The following YIPF2 variants were observed in gnomAD, a reference collection of about 807,000 sequenced individuals.
The protein encoded by YIPF2 is Yip1 domain family member 2.
In YIPF2, 30 loss-of-function variants were observed where a neutral mutation model predicts 38.8. The ratio of observed to expected loss-of-function variants is 0.77; its 90% CI spans 0.58 to 1.05. The LOEUF (loss-of-function observed/expected upper bound fraction) is 1.05. Ranked by LOEUF, YIPF2 falls within the 50% of genes least tolerant of loss-of-function variation. The probability of loss-of-function intolerance (pLI) is 0.00; values close to 1 mark genes in which losing one functional copy is unlikely to be tolerated. For synonymous variants in YIPF2, 194 were observed against 183.8 expected (o/e 1.06, Z -0.45); for missense variants, 401 against 409.7 (o/e 0.98, Z 0.18).
At chr19:10,925,871 A>T in intron 4 of YIPF2, 98 bp from the exon 5 acceptor site, 2 of 995,388 alleles carry the variant, frequency 2.0e-6, no homozygotes, top group Non-Finnish European at 2.9e-6. Context: ...TTCTCTTTCC[A>T]TGCCCCACCT....
At chr19:10,924,570 A>G (rs79316706) in intron 5 of YIPF2, among the ~76,000 whole-genome samples, 3,330 of 152,178 alleles carry the variant, frequency 0.022, 135 homozygotes, top group African/African-American at 0.077. Flanking sequence ...TGCCTCCTCT[A>G]GAGCCCAGGG....
At position 10,927,635 on chromosome 19, in the gene YIPF2, A is replaced by T. The variant is rs1211520881; in HGVS notation, c.274T>A (p.Ser92Thr). 2.5e-6 allele frequency: 4 copies of T among 1,613,770 alleles called. No homozygotes were observed. In the South Asian group the frequency reaches 4.4e-5, roughly 18 times the overall value. The change falls in exon 4 of 10, where the codon TCA becomes ACA. Residue 92 changes from serine to threonine, a missense_variant. Ser to Thr is a moderately conservative substitution (Grantham distance 58, BLOSUM62 1). Transcript: ENST00000586748. ...ACCTGCCTCCCCAGCCTGACCTGTG[A>T]GGTGTCCACGTCAAAGAAGCTCTGA... ...YYQSFFDVDT[S>T]QVLDRIKGSL...
At chr19:10,926,099 C>A (rs1391207611) in intron 4 of YIPF2, among the ~76,000 whole-genome samples, 1 of 151,446 alleles carries the variant, frequency 6.6e-6, no homozygotes, top group Non-Finnish European at 1.5e-5. Flanking sequence ...TTAATAGAGA[C>A]GGGATTTCAC....
Position 10,925,780 on chromosome 19 carries a change from G to T in YIPF2, c.280-7C>A. On this transcript the variant is annotated splice_polypyrimidine_tract_variant and splice_region_variant and intron_variant, in intron 4 of 9. Transcript: ENST00000586748. Reference sequence around the variant, plus strand: ...CTTTGATCCGGTCCAGGACCTGGGGGCAAGGCCAAGGTCAAGGATGGAAGT... The same window carrying T: ...CTTTGATCCGGTCCAGGACCTGGGGTCAAGGCCAAGGTCAAGGATGGAAGT... 6.2e-7 allele frequency: 1 copy of T among 1,613,230 alleles called. No individual in the cohort carries two copies. Among genetic ancestry groups the T allele is most frequent in the Non-Finnish European group, 8.5e-7 (1 of 1,179,874 alleles).
Position 10,925,705 on chromosome 19 carries a change from C to T in YIPF2, c.348G>A (p.Arg116=). 2 of 1,614,044 alleles carry T rather than the reference C, an allele frequency of 1.2e-6. No homozygotes were observed. The highest frequency in any genetic ancestry group is 1.7e-6 in the Non-Finnish European group (2 of 1,179,986). Residue 116 remains arginine, a synonymous_variant, in exon 5 of 10, where the codon CGG becomes CGA. Transcript: ENST00000586748. ...ACTCACCATACAGATCCGGCCGATT[C>T]CGCAGATGGTGCCGCACAAAGTTGT... The part of the protein sequence containing the change: ...PGHNFVRHHL[R]NRPDLYGPFW...
intron 4 of YIPF2, 130 bp from the exon 5 acceptor site, chr19:10,925,903 C>CACT: frequency 3.1e-6 from 2 of 635,754 alleles, no homozygotes; most frequent in Non-Finnish European, 5.1e-6. Flanking sequence ...GCCTTTCCCT[C>CACT]TCTTTTTTTT....
chr19:10,928,528 C>T lies in YIPF2; in HGVS notation c.-48G>A, dbSNP rs1015644530. 210 of 1,276,750 alleles carry T rather than the reference C, an allele frequency of 1.6e-4. No homozygotes were observed. The highest frequency in any genetic ancestry group is 2.0e-4 in the Non-Finnish European group (198 of 984,220). 79.1% of individuals were successfully genotyped at this position (1,276,750 alleles called of 1,614,324 possible). ...AGCCCTACCTGGCGACCAACTGCAC[C>T]CACGGAGGCTTGAACTCGTCGTCCC... On this transcript the variant is annotated 5_prime_UTR_variant, in exon 1 of 10. Coordinates refer to ENST00000586748, the MANE Select transcript of YIPF2 (RefSeq NM_001321439.2).
Position 10,928,580 on chromosome 19 carries a change from C to G in YIPF2, c.-100G>C, listed in dbSNP as rs1568366677. The G allele has an allele frequency of 4.8e-6, 5 of 1,043,410 alleles. No individual in the cohort carries two copies. The highest frequency in any genetic ancestry group is 3.4e-5 in the African/African-American group (2 of 58,534). The allele number at this position is 1,043,410 out of a possible 1,614,324, so 64.6% of individuals were successfully genotyped here. ...TCCCCACAGGTGCGCTCCGCCCCCC[C>G]TCACCTGAGGCCACCTGGGCCGGCG... On this transcript the variant is annotated 5_prime_UTR_variant, in exon 1 of 10. Coordinates refer to ENST00000586748, the MANE Select transcript of YIPF2 (RefSeq NM_001321439.2).
chr19:10,924,325 G>A (rs1457087826), intron 5 of YIPF2, 133 bp from the exon 6 acceptor site: 6 of 755,472 alleles, frequency 7.9e-6, no homozygotes, highest in Non-Finnish European at 1.3e-5. Context: ...GACACCGGGG[G>A]CCTCCTGGTG....
rs147993489 is a variant in YIPF2, at chr19:10,923,866, G to A, written c.618C>T (p.Tyr206=). 45 of 1,613,252 alleles carry A rather than the reference G, an allele frequency of 2.8e-5. No individual in the cohort carries two copies. The highest frequency in any genetic ancestry group is 6.7e-5 in the Admixed American group (4 of 59,906). ...PYTFLETVCI[Y]GYSLFVFIPM... ...GGATGAAGACAAAGAGGGAGTAGCCGTAGATGCACACAGTCTCCAGGAAGG... is the reference window on the plus strand; with the variant it reads ...GGATGAAGACAAAGAGGGAGTAGCCATAGATGCACACAGTCTCCAGGAAGG... The change falls in exon 7 of 10, where the codon TAC becomes TAT. Residue 206 remains tyrosine, a synonymous_variant. Transcript: ENST00000586748.
chr19:10,927,885 G>C lies in YIPF2; in HGVS notation c.106C>G (p.Pro36Ala). 1 of 1,612,764 alleles carries C rather than the reference G, an allele frequency of 6.2e-7. No homozygotes were observed. The highest frequency in any genetic ancestry group is 8.5e-7 in the Non-Finnish European group (1 of 1,179,076). The change falls in exon 3 of 10, where the codon CCA (proline) becomes GCA (alanine). Residue 36 changes from proline (P) to alanine (A), a missense_variant. Coordinates refer to ENST00000586748, the MANE Select transcript of YIPF2 (RefSeq NM_001321439.2). ...ACGGCCACAGCCACGTGCCCTTGTG[G>C]GGTCAGCTGATCGCTTCTGCTGGTG... The part of the protein sequence containing the change: ...ATTSRSDQLT[P>A]QGHVAVAVGS...
In YIPF2 at chr19:10,923,838, T is replaced by C. The variant is rs144437697; in HGVS notation, c.646A>G (p.Met216Val). 1.7e-5 allele frequency: 27 copies of C among 1,612,336 alleles called. No homozygotes were observed. Among genetic ancestry groups the C allele is most frequent in the Non-Finnish European group, 2.1e-5 (25 of 1,179,274 alleles). The change falls in exon 7 of 10, where the codon ATG (methionine) becomes GTG (valine). Residue 216 changes from methionine to valine, a missense_variant. By Grantham distance (21) the Met-to-Val change is conservative (BLOSUM62 1). Coordinates refer to ENST00000586748, the MANE Select transcript of YIPF2 (RefSeq NM_001321439.2). The part of the protein sequence containing the change: ...YGYSLFVFIP[M>V]VVLWLIPVPW... ...CCGCGCCAGGCCACACTCACCACCA[T>C]GGGGATGAAGACAAAGAGGGAGTAG...
At position 10,928,158 on chromosome 19, in the gene YIPF2, A is replaced by G. The variant is rs188601755; in HGVS notation, c.32-199T>C. On this transcript the variant is annotated intron_variant, in intron 2 of 9. Coordinates refer to ENST00000586748, the MANE Select transcript of YIPF2 (RefSeq NM_001321439.2). ...TCCTCCTAAAGTGGAACTGCAACTT[A>G]GGGTTGACGCTGGGATGGGGTCAGG... is the stretch of plus-strand genomic sequence containing the variant. Among the ~76,000 whole-genome samples, 4 of 126,446 alleles carry G rather than the reference A, an allele frequency of 3.2e-5. No individual in the cohort carries two copies. The East Asian group carries it at 1.0e-3, about 32-fold the overall frequency. 83.0% of individuals were successfully genotyped at this position (126,446 alleles called of 152,430 possible).
intron 4 of YIPF2, 147 bp downstream of exon 4, chr19:10,927,483 G>C (rs1599727797): frequency 1.9e-6 from 2 of 1,051,740 alleles, no homozygotes; most frequent in African/African-American, 3.2e-5. Context: ...CCATAGTCCC[G>C]ATCCATAACC....
At chr19:10,925,142 G>T (rs1454291240) in intron 5 of YIPF2, among the ~76,000 whole-genome samples, 1 of 151,466 alleles carries the variant, frequency 6.6e-6, no homozygotes, top group Non-Finnish European at 1.5e-5. Context: ...TGAAGCAGGA[G>T]AATCGCTTGA....
Position 10,924,144 on chromosome 19 carries a change from C to T in YIPF2, c.416G>A (p.Gly139Asp). Reference sequence around the variant, plus strand: ...CTGGGCCAGCACCAGCGTCAGGTTGCCAGTGACGGCCAGGACAAAGGCCAA... The same window carrying T: ...CTGGGCCAGCACCAGCGTCAGGTTGTCAGTGACGGCCAGGACAAAGGCCAA... Reference protein sequence around the residue: ...ATLAFVLAVTGNLTLVLAQRR... With the variant: ...ATLAFVLAVTDNLTLVLAQRR... The change falls in exon 6 of 10, where the codon GGC (glycine) becomes GAC (aspartate). Residue 139 changes from glycine (G) to aspartate (D), a missense_variant. Transcript: ENST00000586748. 1 of 1,613,494 alleles carries T rather than the reference C, an allele frequency of 6.2e-7. No homozygotes were observed. The highest frequency in any genetic ancestry group is 1.1e-5 in the South Asian group (1 of 91,074).
intron 4 of YIPF2, among the ~76,000 whole-genome samples, chr19:10,927,121 C>G (rs2083437612): frequency 6.6e-6 from 1 of 152,194 alleles, no homozygotes; most frequent in African/African-American, 2.4e-5. Flanking sequence ...GATCCACCCA[C>G]CCAGGCCTCT....
At chr19:10,925,881 T>A in intron 4 of YIPF2, 108 bp from the exon 5 acceptor site, 1 of 923,968 alleles carries the variant, frequency 1.1e-6, no homozygotes, top group Non-Finnish European at 1.6e-6. Context: ...ATGCCCCACC[T>A]GAAAGAACTC....
intron 2 of YIPF2, 150 bp from the exon 3 acceptor site, chr19:10,928,109 G>T: frequency 8.3e-7 from 1 of 1,200,386 alleles, no homozygotes; most frequent in Non-Finnish European, 1.2e-6. Flanking sequence ...CAGTTTGGAG[G>T]CATCCGGAGG....
Sources: allele counts gnomAD v4.1 joint callset (sites outside exome capture counted in the v4.1 genomes callset), GRCh38; gene constraint gnomAD v4.1.1; transcripts MANE v1.5; gene names NCBI Gene and HGNC (gene_info 2026-07-23, HGNC 2026-07-21).